The following SORCS2 variants were observed in gnomAD, a reference collection of about 807,000 sequenced individuals.
The protein encoded by SORCS2 is VPS10 domain-containing receptor SorCS2.
SORCS2 carries 100 observed loss-of-function variants against 141.6 expected under a neutral mutation model. The ratio of observed to expected loss-of-function variants is 0.71; its 90% confidence interval spans 0.60 to 0.83. SORCS2 has a LOEUF of 0.83. Ranked by LOEUF, SORCS2 falls within the 40% of genes least tolerant of loss-of-function variation. The pLI, the probability that SORCS2 is intolerant of heterozygous loss-of-function variation, is 0.00. For synonymous variants in SORCS2, 789 were observed against 676.9 expected, an observed-to-expected ratio of 1.17 and a Z score of -2.57; for missense variants, 1,646 against 1,560.2, an observed-to-expected ratio of 1.05 and a Z score of -0.93.
chr4:7,324,121 G>A (rs1219369697), intron 1 of SORCS2, among the ~76,000 whole-genome samples: 4 of 152,200 alleles, frequency 2.6e-5, no homozygotes, highest in African/African-American at 9.6e-5. Context: ...TGGCGGGGCT[G>A]GGATTCAAAC....
intron 3 of SORCS2, among the ~76,000 whole-genome samples, chr4:7,577,432 A>G (rs540211777): frequency 4.6e-5 from 7 of 151,502 alleles, no homozygotes; most frequent in Middle Eastern, 3.4e-3. Flanking sequence ...GAGAAGTCAT[A>G]TAGCATACAG....
intron 11 of SORCS2, among the ~76,000 whole-genome samples, chr4:7,690,152 TGG>T (rs1724133897): frequency 6.8e-6 from 1 of 147,466 alleles, no homozygotes; most frequent in Non-Finnish European, 1.5e-5. Context: ...CGTGGATGGG[TGG>T]GTGGGTGGAT....
At chr4:7,428,077 A>T (rs189949746) in intron 2 of SORCS2, among the ~76,000 whole-genome samples, 1 of 152,290 alleles carries the variant, frequency 6.6e-6, no homozygotes, top group East Asian at 1.9e-4. Context: ...TCCAGCCGTC[A>T]TCTGTGGGTC....
In SORCS2 at chr4:7,310,849, C is replaced by T. The variant is rs903217931; in HGVS notation, c.481-85439C>T. Among the ~76,000 whole-genome samples the T allele has an allele frequency of 5.9e-5, 9 of 152,174 alleles. No individual in the cohort carries two copies. The East Asian group carries it at 1.2e-3, about 20-fold the overall frequency. On this transcript the variant is annotated intron_variant, in intron 1 of 26. Transcript: ENST00000507866. Reference sequence around the variant, plus strand: ...CCCATGAGTCAGTAATGCAGGTCAGCGTATTTCAGAGCAAAGCACTCACCA... The same window carrying T: ...CCCATGAGTCAGTAATGCAGGTCAGTGTATTTCAGAGCAAAGCACTCACCA...
intron 2 of SORCS2, among the ~76,000 whole-genome samples, chr4:7,468,310 C>T (rs920030259): frequency 4.6e-5 from 7 of 152,188 alleles, no homozygotes; most frequent in East Asian, 3.9e-4. Flanking sequence ...GTGACTGAGT[C>T]CTGCAGCACC....
intron 11 of SORCS2, among the ~76,000 whole-genome samples, chr4:7,694,545 G>T (rs1010471238): frequency 6.6e-6 from 1 of 152,192 alleles, no homozygotes; most frequent in Non-Finnish European, 1.5e-5. Flanking sequence ...AAATTGGCCC[G>T]CGCAGTGTGC....
rs535757496 is a variant in SORCS2, at chr4:7,582,856, T to G, written c.648+51227T>G. On this transcript the variant is annotated intron_variant, in intron 3 of 26. Coordinates refer to ENST00000507866, the MANE Select transcript of SORCS2 (RefSeq NM_020777.3). ...AATTTTAACCTGCAAGCAGCCTGATTGGCCCAGCTGGTCATGCCCACCCTG... is the reference window on the plus strand; with the variant it reads ...AATTTTAACCTGCAAGCAGCCTGATGGGCCCAGCTGGTCATGCCCACCCTG... Among the ~76,000 whole-genome samples, 3 of 152,222 alleles carry G rather than the reference T, an allele frequency of 2.0e-5. No homozygotes were observed. In the South Asian group the frequency reaches 6.2e-4, roughly 32 times the overall value.
chr4:7,617,709 G>A (rs1718863029), intron 3 of SORCS2, among the ~76,000 whole-genome samples: 1 of 152,166 alleles, frequency 6.6e-6, no homozygotes, highest in Non-Finnish European at 1.5e-5. Context: ...GATATTCCGA[G>A]CAACTTTTAG....
intron 1 of SORCS2, among the ~76,000 whole-genome samples, chr4:7,357,840 C>T (rs1009435965): frequency 1.3e-5 from 2 of 152,114 alleles, no homozygotes; most frequent in Non-Finnish European, 2.9e-5. Flanking sequence ...TTGTGTTTGG[C>T]GTGGGTGGGG....
chr4:7,555,902 G>A (rs961657355), intron 3 of SORCS2, among the ~76,000 whole-genome samples: 3 of 152,242 alleles, frequency 2.0e-5, no homozygotes, highest in African/African-American at 7.2e-5. Context: ...GCTGTTCACA[G>A]GGACAGATGA....
At chr4:7,539,853 T>C in intron 3 of SORCS2, among the ~76,000 whole-genome samples, 1 of 146,058 alleles carries the variant, frequency 6.8e-6, no homozygotes, top group Non-Finnish European at 1.5e-5. Context: ...TCCGCCCCAT[T>C]CCTGCTGTGG....
chr4:7,371,440 T>C, intron 1 of SORCS2, among the ~76,000 whole-genome samples: 1 of 152,236 alleles, frequency 6.6e-6, no homozygotes, highest in East Asian at 1.9e-4. Context: ...CATTATTTCA[T>C]ACTTAGGCCT....
At chr4:7,650,627 G>A (rs1418341686) in intron 4 of SORCS2, among the ~76,000 whole-genome samples, 2 of 152,234 alleles carry the variant, frequency 1.3e-5, no homozygotes, top group African/African-American at 4.8e-5. Flanking sequence ...TGGGGAAACT[G>A]AGGCAAGAAA....
Position 7,317,469 on chromosome 4 carries a change from C to T in SORCS2, c.481-78819C>T, listed in dbSNP as rs561362415. On this transcript the variant is annotated intron_variant, in intron 1 of 26. Coordinates refer to ENST00000507866, the MANE Select transcript of SORCS2 (RefSeq NM_020777.3). ...ATGTTCCAGGCATGTCCAATCTGGG[C>T]CCCCTCTGGGCGGGCCTGCCACCGC... Among the ~76,000 whole-genome samples the T allele has an allele frequency of 1.5e-3, 229 of 152,326 alleles. 1 individual carries two copies. The highest frequency in any genetic ancestry group is 5.4e-3 in the African/African-American group (224 of 41,584).
intron 1 of SORCS2, among the ~76,000 whole-genome samples, chr4:7,282,190 AG>A (rs1363734824): frequency 6.6e-6 from 1 of 152,196 alleles, no homozygotes; most frequent in East Asian, 1.9e-4. Flanking sequence ...AGATCCTATC[AG>A]TGCCGGCTGC....
chr4:7,436,606 TC>T (rs1727319064), intron 2 of SORCS2, among the ~76,000 whole-genome samples: 1 of 152,242 alleles, frequency 6.6e-6, no homozygotes, highest in East Asian at 1.9e-4. Context: ...CTCGGCATTG[TC>T]TTTGTATGAT....
At chr4:7,524,150 C>T (rs1045040887) in intron 2 of SORCS2, among the ~76,000 whole-genome samples, 12 of 152,176 alleles carry the variant, frequency 7.9e-5, no homozygotes, top group African/African-American at 1.2e-4. Context: ...TCAGGGGTGA[C>T]GCTATTGGGT....
At chr4:7,558,252 T>A (rs1186552451) in intron 3 of SORCS2, among the ~76,000 whole-genome samples, 1 of 152,206 alleles carries the variant, frequency 6.6e-6, no homozygotes, top group Non-Finnish European at 1.5e-5. Context: ...TTTGGCACTG[T>A]TAATATTTGG....
chr4:7,222,121 G>C (rs1183936499), intron 1 of SORCS2, among the ~76,000 whole-genome samples: 1 of 152,100 alleles, frequency 6.6e-6, no homozygotes, highest in Non-Finnish European at 1.5e-5. Flanking sequence ...GGGCATGTAT[G>C]GGGGACAGAA....
Sources: allele counts gnomAD v4.1 joint callset (sites outside exome capture counted in the v4.1 genomes callset), GRCh38; gene constraint gnomAD v4.1.1; transcripts MANE v1.5; gene names NCBI Gene and HGNC (gene_info 2026-07-23, HGNC 2026-07-21).